PTK2B: variants seen among roughly 807,000 people sequenced by gnomAD.
The protein encoded by PTK2B is protein tyrosine kinase 2 beta, also known as protein-tyrosine kinase 2-beta.
A neutral mutation model predicts 142.9 loss-of-function variants in PTK2B; 71 were observed. The observed-to-expected ratio is 0.50, with a 90% CI of 0.41 to 0.61. The LOEUF is 0.61. Ranked by LOEUF, PTK2B falls within the 20% of genes least tolerant of loss-of-function variation. PTK2B has a pLI of 0.00. For missense variants in PTK2B, 1,105 were observed against 1,320.4 expected (o/e 0.84, Z 2.53); for synonymous variants, 519 against 503.4 (o/e 1.03, Z -0.42).
At position 27,435,778 on chromosome 8, in the gene PTK2B, C is replaced by T; in HGVS notation, c.1228C>T (p.Leu410=). The T allele has an allele frequency of 6.2e-7, 1 of 1,614,150 alleles. No individual in the cohort carries two copies. The stretch of plus-strand genomic sequence containing the variant: ...CTACGCAGAGATTCCCGACGAAACC[C>T]TGCGAAGGCCCGGAGGTAGGTTCTC... ...DIYAEIPDET[L]RRPGGPQYGI... Residue 410 remains leucine (L), a synonymous_variant, in exon 14 of 31, where the codon CTG becomes TTG. Coordinates refer to ENST00000346049, the MANE Select transcript of PTK2B (RefSeq NM_173176.3).
intron 3 of PTK2B, among the ~76,000 whole-genome samples, chr8:27,317,107 C>T (rs1451727778): frequency 1.3e-5 from 2 of 152,170 alleles, no homozygotes. Flanking sequence ...CTGATATGAA[C>T]CAATGTCCAG....
upstream of PTK2B, among the ~76,000 whole-genome samples, chr8:27,321,413 A>G (rs1188045847): frequency 2.6e-5 from 4 of 152,232 alleles, no homozygotes; most frequent in Admixed American, 2.0e-4. Flanking sequence ...AGTTCAGGCT[A>G]TGGTAACAGA....
chr8:27,388,960 C>G (rs1184215363), intron 1 of PTK2B, among the ~76,000 whole-genome samples: 2 of 152,176 alleles, frequency 1.3e-5, no homozygotes, highest in African/African-American at 4.8e-5. Flanking sequence ...CTCACCCACC[C>G]TCTTCACCAG....
At chr8:27,407,308 C>G (rs988483897) in intron 2 of PTK2B, among the ~76,000 whole-genome samples, 1 of 152,184 alleles carries the variant, frequency 6.6e-6, no homozygotes, top group African/African-American at 2.4e-5. Context: ...TCATGATTCT[C>G]TTGCTCCAAA....
chr8:27,419,829 G>A, intron 2 of PTK2B, 66 bp from the exon 3 acceptor site: 2 of 1,551,950 alleles, frequency 1.3e-6, no homozygotes, highest in East Asian at 2.3e-5. Context: ...TTTCAGGTCT[G>A]TGTGAGAATT....
chr8:27,431,086 G>C (rs916936963), intron 8 of PTK2B, 70 bp downstream of exon 8: 142 of 1,558,880 alleles, frequency 9.1e-5, no homozygotes, highest in Middle Eastern at 1.7e-4. Context: ...GGGCCAGGAG[G>C]GGGCAGGGAG....
intron 1 of PTK2B, among the ~76,000 whole-genome samples, chr8:27,378,253 T>C (rs1292704968): frequency 6.6e-6 from 1 of 152,216 alleles, no homozygotes; most frequent in East Asian, 1.9e-4. Flanking sequence ...AAGACAATGA[T>C]CCTGGAAGCA....
chr8:27,430,559 T>G, intron 7 of PTK2B, 141 bp downstream of exon 7: 1 of 1,124,602 alleles, frequency 8.9e-7, no homozygotes, highest in Non-Finnish European at 1.3e-6. Flanking sequence ...CCACTAAATG[T>G]ACCCAGGGGT....
chr8:27,397,893 T>G, intron 2 of PTK2B, 105 bp downstream of exon 2: 10 of 1,323,938 alleles, frequency 7.6e-6, no homozygotes, highest in Non-Finnish European at 9.6e-6. Context: ...TATCCACCCC[T>G]GGGTGGAAGA....
chr8:27,406,294 AT>A (rs368557662), intron 2 of PTK2B, among the ~76,000 whole-genome samples: 200 of 151,004 alleles, frequency 1.3e-3, no homozygotes, highest in African/African-American at 4.6e-3. Flanking sequence ...AAAGCCCCCC[AT>A]TTTTTTTTCC....
intron 1 of PTK2B, among the ~76,000 whole-genome samples, chr8:27,386,795 G>T (rs903172623): frequency 2.0e-5 from 3 of 151,874 alleles, no homozygotes; most frequent in African/African-American, 7.3e-5. Context: ...TGGTTTTGTT[G>T]GTTTTAAGGT....
chr8:27,332,578 A>AT (rs369672058), intron 1 of PTK2B, among the ~76,000 whole-genome samples: 5,339 of 147,370 alleles, frequency 0.036, 118 homozygotes, highest in African/African-American at 0.061. Flanking sequence ...TCTTCCCCCA[A>AT]TTTTTTTTTT....
intron 1 of PTK2B, among the ~76,000 whole-genome samples, chr8:27,379,070 G>A (rs1806854518): frequency 6.6e-6 from 1 of 152,164 alleles, no homozygotes; most frequent in Non-Finnish European, 1.5e-5. Flanking sequence ...TCCCAACGTG[G>A]CTGCATGGGG....
At chr8:27,423,153 G>T (rs938409327) in intron 5 of PTK2B, among the ~76,000 whole-genome samples, 1 of 152,158 alleles carries the variant, frequency 6.6e-6, no homozygotes, top group Non-Finnish European at 1.5e-5. Flanking sequence ...TCATTAGAAT[G>T]ACATTGTTAG....
chr8:27,352,472 A>AG (rs902304500), intron 1 of PTK2B, among the ~76,000 whole-genome samples: 16 of 152,044 alleles, frequency 1.1e-4, no homozygotes, highest in Non-Finnish European at 1.5e-5. Flanking sequence ...TCAGGGGTGG[A>AG]GGGGGGGCGG....
chr8:27,407,293 AC>A (rs1208953947), intron 2 of PTK2B, among the ~76,000 whole-genome samples: 1 of 151,942 alleles, frequency 6.6e-6, no homozygotes, highest in Non-Finnish European at 1.5e-5. Context: ...GGAACATAAA[AC>A]CCTTCATGAT....
chr8:27,404,706 GT>G (rs1290644585), intron 2 of PTK2B, among the ~76,000 whole-genome samples: 1 of 152,188 alleles, frequency 6.6e-6, no homozygotes, highest in Non-Finnish European at 1.5e-5. Context: ...GACTGCAGAT[GT>G]CAGAACCCAT....
At chr8:27,381,251 C>T (rs2131108756) in intron 1 of PTK2B, among the ~76,000 whole-genome samples, 1 of 152,254 alleles carries the variant, frequency 6.6e-6, no homozygotes, top group South Asian at 2.1e-4. Context: ...TGACTCTAGT[C>T]ACCCTACAGA....
At chr8:27,374,632 T>A (rs1806559535) in intron 1 of PTK2B, among the ~76,000 whole-genome samples, 1 of 152,128 alleles carries the variant, frequency 6.6e-6, no homozygotes, top group Non-Finnish European at 1.5e-5. Flanking sequence ...TTAGGACAGT[T>A]GGATAGTGGC....
Sources: gnomAD v4.1 joint callset for allele counts (sites outside exome capture counted in the v4.1 genomes callset) on GRCh38, gnomAD v4.1.1 for gene constraint, MANE v1.5 for transcripts, NCBI Gene and HGNC (gene_info 2026-07-23, HGNC 2026-07-21) for gene names.